The following CCDC30 variants were observed in gnomAD, a reference collection of about 807,000 sequenced individuals.
CCDC30 encodes coiled-coil domain containing 30.
Under a neutral mutation model 100.2 loss-of-function variants are expected in CCDC30, and 70 were observed. The ratio of observed to expected loss-of-function variants is 0.70; its 90% CI spans 0.58 to 0.85. The LOEUF is 0.85. Among genes scored for constraint, CCDC30 ranks in the 40% least tolerant of loss-of-function variants. The probability of loss-of-function intolerance (pLI) is 0.00; values close to 1 mark genes in which losing one functional copy is unlikely to be tolerated. For synonymous variants in CCDC30, 233 were observed against 269.5 expected (o/e 0.86, Z 1.33); for missense variants, 652 against 771.2 (o/e 0.85, Z 1.83).
chr1:42,592,931 T>G (rs1416850503), intron 10 of CCDC30: 1 of 152,114 alleles, frequency 6.6e-6, no homozygotes, highest in Non-Finnish European at 1.5e-5. Flanking sequence ...AAACTTCTTT[T>G]CTCTATAAAT....
chr1:42,607,453 T>TGGTCC (rs1299210793), intron 10 of CCDC30, among the ~76,000 whole-genome samples: 6 of 151,078 alleles, frequency 4.0e-5, no homozygotes, highest in African/African-American at 1.5e-4. Context: ...GCACAGTGGC[T>TGGTCC]CACTCCTGTA....
downstream of CCDC30, among the ~76,000 whole-genome samples, chr1:42,656,100 G>C (rs1648649496): frequency 6.6e-6 from 1 of 151,484 alleles, no homozygotes; most frequent in African/African-American, 2.4e-5. Context: ...CAAATTTCTG[G>C]GCTCAAGTGA....
At chr1:42,460,494 T>G, upstream of CCDC30, 4 of 544,806 alleles carry the variant, frequency 7.3e-6, no homozygotes, top group Non-Finnish European at 9.4e-6. Flanking sequence ...TGTAGAATGG[T>G]GAGCTTTTCA....
At chr1:42,570,959 A>G (rs1310916686) in intron 7 of CCDC30, 2 of 152,238 alleles carry the variant, frequency 1.3e-5, no homozygotes, top group Non-Finnish European at 2.9e-5. Context: ...TGTCACCACC[A>G]GTACCAAGAC....
chr1:42,581,982 G>A (rs1645976468), intron 9 of CCDC30, among the ~76,000 whole-genome samples: 2 of 151,488 alleles, frequency 1.3e-5, no homozygotes, highest in African/African-American at 2.4e-5. Flanking sequence ...AGCACTCCGG[G>A]ATGCCGAGGT....
At chr1:42,503,599 C>T (rs1644352883) in intron 6 of CCDC30, among the ~76,000 whole-genome samples, 1 of 152,212 alleles carries the variant, frequency 6.6e-6, no homozygotes, top group African/African-American at 2.4e-5. Context: ...GATGGAGCTG[C>T]CATTTTGATC....
intron 6 of CCDC30, among the ~76,000 whole-genome samples, chr1:42,542,245 A>G (rs1286036273): frequency 6.6e-6 from 1 of 152,212 alleles, no homozygotes; most frequent in Non-Finnish European, 1.5e-5. Context: ...CTTAAGATAT[A>G]CACTACTTTG....
chr1:42,508,594 C>T (rs1023569094), intron 6 of CCDC30, among the ~76,000 whole-genome samples: 3 of 152,138 alleles, frequency 2.0e-5, no homozygotes, highest in African/African-American at 7.2e-5. Flanking sequence ...CAGAACAGCA[C>T]CTTTGATTTT....
At chr1:42,635,511 G>A (rs1188836666) in intron 11 of CCDC30, among the ~76,000 whole-genome samples, 1 of 151,906 alleles carries the variant, frequency 6.6e-6, no homozygotes, top group African/African-American at 2.4e-5. Flanking sequence ...GAATTGTTGG[G>A]TCAAATGGCA....
chr1:42,503,946 G>C (rs1311139667), intron 6 of CCDC30, among the ~76,000 whole-genome samples: 1 of 152,200 alleles, frequency 6.6e-6, no homozygotes, highest in African/African-American at 2.4e-5. Flanking sequence ...GAGGTGTGAA[G>C]TGGGAAAGCA....
At chr1:42,637,504 T>C in intron 12 of CCDC30, 126 bp downstream of exon 16, 1 of 847,818 alleles carries the variant, frequency 1.2e-6, no homozygotes, top group Non-Finnish European at 1.8e-6. Flanking sequence ...TTCTTTTCTT[T>C]GCACCATCTT....
intron 6 of CCDC30, among the ~76,000 whole-genome samples, chr1:42,522,606 T>C (rs546305281): frequency 9.1e-4 from 138 of 152,342 alleles, no homozygotes; most frequent in African/African-American, 3.2e-3. Flanking sequence ...TTCAGTATCA[T>C]ACAAAAACTC....
intron 3 of CCDC30, among the ~76,000 whole-genome samples, chr1:42,488,599 C>T (rs1378423592): frequency 6.6e-6 from 1 of 152,120 alleles, no homozygotes; most frequent in Non-Finnish European, 1.5e-5. Flanking sequence ...AGCCACTGTG[C>T]CCAACCCCAG....
Position 42,648,947 on chromosome 1 carries a change from GAAGA to G in CCDC30, c.1854+2633_1854+2636del, listed in dbSNP as rs149328372. 6.7e-3 allele frequency among the ~76,000 whole-genome samples: 1,020 copies of G among 152,136 alleles called. 7 individuals are homozygous for G. The highest frequency in any genetic ancestry group is 0.011 in the Non-Finnish European group (760 of 67,982). ...ATATGCCAACAAATAGGAAAACCTAGAAGAAATGGATAAATTTCTAGAAACATAC... is the reference window on the plus strand; with the variant it reads ...ATATGCCAACAAATAGGAAAACCTAGAATGGATAAATTTCTAGAAACATAC... On this transcript the variant is annotated intron_variant, in intron 15 of 16. Coordinates refer to ENST00000668663, the Ensembl canonical transcript of CCDC30.
intron 3 of CCDC30, among the ~76,000 whole-genome samples, chr1:42,488,235 A>C (rs2148463313): frequency 6.6e-6 from 1 of 152,290 alleles, no homozygotes; most frequent in African/African-American, 2.4e-5. Context: ...TCTGGTAGAG[A>C]GATCTCAAGA....
At chr1:42,478,817 A>G (rs751887777) in intron 1 of CCDC30, among the ~76,000 whole-genome samples, 4 of 152,144 alleles carry the variant, frequency 2.6e-5, no homozygotes, top group Non-Finnish European at 5.9e-5. Flanking sequence ...TACCCATTTT[A>G]TGATAAAATA....
chr1:42,635,050 G>GT (rs1014888119), intron 11 of CCDC30, among the ~76,000 whole-genome samples: 7 of 151,694 alleles, frequency 4.6e-5, no homozygotes, highest in Admixed American at 1.3e-4. Context: ...ACCGTATTTG[G>GT]TTTTTTTTGT....
intron 6 of CCDC30, 60 bp from the exon 10 acceptor site, chr1:42,556,096 T>C (rs1645362544): frequency 2.6e-6 from 4 of 1,512,956 alleles, no homozygotes; most frequent in Middle Eastern, 1.8e-4. Flanking sequence ...AGCTTTTTTT[T>C]CCCGATTCTA....
intron 11 of CCDC30, among the ~76,000 whole-genome samples, chr1:42,624,962 A>G (rs1646904575): frequency 6.6e-6 from 1 of 152,090 alleles, no homozygotes; most frequent in Non-Finnish European, 1.5e-5. Flanking sequence ...TAGGATTGGT[A>G]TTATTTCTTT....
Sources: allele counts gnomAD v4.1 joint callset (sites outside exome capture counted in the v4.1 genomes callset), GRCh38; gene constraint gnomAD v4.1.1; transcripts MANE v1.5; gene names NCBI Gene and HGNC (gene_info 2026-07-23, HGNC 2026-07-21).